The following FEZF1 variants were observed in gnomAD, a reference collection of about 807,000 sequenced individuals.
FEZF1 encodes FEZ family zinc finger 1.
In FEZF1, 8 loss-of-function variants were observed where a neutral mutation model predicts 32.4. The ratio of observed to expected loss-of-function variants is 0.25; its 90% CI spans 0.15 to 0.45. FEZF1 has a LOEUF of 0.45. Ranked by LOEUF, FEZF1 falls within the 20% of genes least tolerant of loss-of-function variation. FEZF1 has a pLI of 1.00. For missense variants in FEZF1, 546 were observed against 622.3 expected, an observed-to-expected ratio of 0.88 and a Z score of 1.31; for synonymous variants, 259 against 265.2, an observed-to-expected ratio of 0.98 and a Z score of 0.23.
chr7:122,302,063 AGGCAGCGTCATC>A lies in FEZF1; in HGVS notation c.1350_1361del (p.Met451_Pro454del). On this transcript the variant is annotated inframe_deletion, in exon 4 of 4. Transcript: ENST00000442488. The surrounding 1 kb of genome is among the most constrained non-coding windows in gnomAD (Gnocchi z 4.4). ...GGGTTGGCAGCGGCGGCTGCAGAGG[AGGCAGCGTCATC>A]GGCGGCTGCTGCGGTAGCGGGGGCG... 1 of 1,606,744 alleles carries A rather than the reference AGGCAGCGTCATC, an allele frequency of 6.2e-7. No individual in the cohort carries two copies. Among genetic ancestry groups the A allele is most frequent in the Middle Eastern group, 1.7e-4 (1 of 5,948 alleles).
At chr7:122,304,830 T>C (rs1446876621), upstream of FEZF1, 1 of 162,992 alleles carries the variant, frequency 6.1e-6, no homozygotes, top group African/African-American at 2.4e-5. Context: ...CTACTTTTCA[T>C]TGGTGAGTGA....
chr7:122,301,857 A>C lies in FEZF1; in HGVS notation c.*140T>G. 1 of 1,181,298 alleles carries C rather than the reference A, an allele frequency of 8.5e-7. No homozygotes were observed. Among genetic ancestry groups the C allele is most frequent in the Non-Finnish European group, 1.2e-6 (1 of 856,532 alleles). The allele number at this position is 1,181,298 out of a possible 1,614,324, so 73.2% of individuals were successfully genotyped here. A position where few individuals can be genotyped will look rare whatever the true frequency, so the allele number is the denominator to read the frequency against. The stretch of plus-strand genomic sequence containing the variant: ...CATGCAAGAGGCGAAAGGCCAGGGG[A>C]TGCAGAGGCTTCTGGTCGGCCCTGA... On this transcript the variant is annotated 3_prime_UTR_variant, in exon 4 of 4. Coordinates refer to ENST00000442488, the MANE Select transcript of FEZF1 (RefSeq NM_001024613.4).
chr7:122,302,388 G>A lies in FEZF1; in HGVS notation c.1070-33C>T. 8 of 1,515,418 alleles carry A rather than the reference G, an allele frequency of 5.3e-6. No homozygotes were observed. In the Admixed American group the frequency reaches 7.7e-5, roughly 14 times the overall value. 93.9% of individuals were successfully genotyped at this position (1,515,418 alleles called of 1,614,324 possible). A position where few individuals can be genotyped will look rare whatever the true frequency, so the allele number is the denominator to read the frequency against. On this transcript the variant is annotated intron_variant, in intron 3 of 3. Coordinates refer to ENST00000442488, the MANE Select transcript of FEZF1 (RefSeq NM_001024613.4). This position sits in a 1 kb window ranked among gnomAD's most constrained non-coding sequence, Gnocchi z 4.4. ...ACACAAATGACAGGAATATGGTTCT[G>A]AAAAAAAAAATAGCTTAAAAAGGGA...
chr7:122,303,709 G>C lies in FEZF1; in HGVS notation c.729C>G (p.Phe243Leu). The change falls in exon 1 of 4, where the codon TTC becomes TTG. Residue 243 changes from phenylalanine to leucine, a missense_variant. By Grantham distance (22) the Phe-to-Leu change is conservative (BLOSUM62 0). Transcript: ENST00000442488. ...AGCCTCGGCTGAAATCCGAGGTTTT[G>C]AACGCGATTTTTTCCGACAGAAGCT... ...SAQLLSEKIAFKTSDFSRGSP... is the reference protein window; with the variant it reads ...SAQLLSEKIALKTSDFSRGSP... The C allele has an allele frequency of 1.9e-6, 3 of 1,614,222 alleles. No homozygotes were observed. The Admixed American group carries it at 5.0e-5, about 27-fold the overall frequency.
At position 122,301,690 on chromosome 7, in the gene FEZF1, A is replaced by G; in HGVS notation, c.*307T>C. On this transcript the variant is annotated 3_prime_UTR_variant, in exon 4 of 4. Transcript: ENST00000442488. ...TTAAACAAAACAAAACAAAATAAAC[A>G]CCATCTCTCCACCCAAGATGAAAAG... is the stretch of plus-strand genomic sequence containing the variant. 3.0e-6 allele frequency: 1 copy of G among 336,192 alleles called. No individual in the cohort carries two copies. The highest frequency in any genetic ancestry group is 4.9e-5 in the East Asian group (1 of 20,600). 20.8% of individuals were successfully genotyped at this position (336,192 alleles called of 1,614,324 possible).
In FEZF1 at chr7:122,301,358, AT is replaced by A. The variant is rs1485686406; in HGVS notation, c.*638del. On this transcript the variant is annotated 3_prime_UTR_variant, in exon 4 of 4. Transcript: ENST00000442488. ...TTTATTTCCAACAGTCAATGAATCAATTTTCACGTGCAATAATCAAAACCAA... is the reference window on the plus strand; with the variant it reads ...TTTATTTCCAACAGTCAATGAATCAATTTCACGTGCAATAATCAAAACCAA... The A allele has an allele frequency of 1.3e-5, 2 of 152,230 alleles. No homozygotes were observed. The highest frequency in any genetic ancestry group is 2.9e-5 in the Non-Finnish European group (2 of 68,052). 9.4% of individuals were successfully genotyped at this position (152,230 alleles called of 1,614,324 possible).
At chr7:122,307,489 G>C (rs1563044994), upstream of FEZF1, 1 of 152,602 alleles carries the variant, frequency 6.6e-6, no homozygotes, top group Non-Finnish European at 1.5e-5. Flanking sequence ...TACGCTTGTG[G>C]TGTGTCCCTC....
upstream of FEZF1, chr7:122,305,690 G>A (rs750708020): frequency 6.6e-6 from 1 of 152,232 alleles, no homozygotes; most frequent in Admixed American, 6.5e-5. Flanking sequence ...AATGCCGAGC[G>A]GAGAAGGGAA....
chr7:122,302,085 T>C lies in FEZF1; in HGVS notation c.1340A>G (p.Gln447Arg). 1 of 1,609,436 alleles carries C rather than the reference T, an allele frequency of 6.2e-7. No individual in the cohort carries two copies. Among genetic ancestry groups the C allele is most frequent in the South Asian group, 1.1e-5 (1 of 90,982 alleles). ...AGGAGGCAGCGTCATCGGCGGCTGC[T>C]GCGGTAGCGGGGGCGGCGGTTCAGT... ...PGTEPPPPLP[Q>R]QPPMTLPPLQ... The change falls in exon 4 of 4, where the codon CAG becomes CGG. Residue 447 changes from glutamine (Q) to arginine (R), a missense_variant. Physicochemically the swap from Gln to Arg is conservative, Grantham distance 43. Around this residue, in one of 3 missense-constraint regions of FEZF1, gnomAD observed 83 missense variants for 73.0 expected, o/e 1.14. Coordinates refer to ENST00000442488, the MANE Select transcript of FEZF1 (RefSeq NM_001024613.4). This position sits in a 1 kb window ranked among gnomAD's most constrained non-coding sequence, Gnocchi z 4.4.
In FEZF1 at chr7:122,301,826, C is replaced by CAGGTG. The variant is rs2031042599; in HGVS notation, c.*166_*170dup. On this transcript the variant is annotated 3_prime_UTR_variant, in exon 4 of 4. Transcript: ENST00000442488. Reference sequence around the variant, plus strand: ...GAATATAATACACAAAACCATTTAGCAGGTGCATGCAAGAGGCGAAAGGCC... The same window carrying CAGGTG: ...GAATATAATACACAAAACCATTTAGCAGGTGAGGTGCATGCAAGAGGCGAAAGGCC... The CAGGTG allele has an allele frequency of 1.3e-6, 1 of 776,880 alleles. No homozygotes were observed. Among genetic ancestry groups the CAGGTG allele is most frequent in the African/African-American group, 1.8e-5 (1 of 56,136 alleles). The allele number at this position is 776,880 out of a possible 1,614,324, so 48.1% of individuals were successfully genotyped here.
chr7:122,303,788 G>A lies in FEZF1; in HGVS notation c.650C>T (p.Ala217Val), dbSNP rs1176827885. The change falls in exon 1 of 4, where the codon GCT (alanine) becomes GTT (valine). Residue 217 changes from alanine to valine, a missense_variant. This residue lies in a region of FEZF1 where 345 missense variants were observed against 360.6 expected (regional missense o/e 0.96). Coordinates refer to ENST00000442488, the MANE Select transcript of FEZF1 (RefSeq NM_001024613.4). ...PAVEKYPSGV[A>V]FKDLSQAQLQ... Reference sequence around the variant, plus strand: ...CTGAGCCTGGGACAGGTCTTTGAAAGCTACTCCAGAAGGGTATTTCTCCAC... The same window carrying A: ...CTGAGCCTGGGACAGGTCTTTGAAAACTACTCCAGAAGGGTATTTCTCCAC... The A allele has an allele frequency of 1.4e-5, 22 of 1,614,072 alleles. No homozygotes were observed. Among genetic ancestry groups the A allele is most frequent in the Non-Finnish European group, 1.7e-5 (20 of 1,180,044 alleles).
At chr7:122,308,457 A>G (rs1047495542), upstream of FEZF1, 3 of 152,336 alleles carry the variant, frequency 2.0e-5, no homozygotes, top group African/African-American at 7.2e-5. Context: ...TGTTCTTGCT[A>G]TTACTAAAAA....
upstream of FEZF1, chr7:122,306,109 C>G (rs1317882463): frequency 2.6e-5 from 4 of 151,998 alleles, no homozygotes; most frequent in African/African-American, 9.7e-5. Flanking sequence ...CGCAGCTAGG[C>G]GCGCAGGAAG....
upstream of FEZF1, chr7:122,305,665 G>A (rs1166005067): frequency 6.6e-6 from 1 of 152,236 alleles, no homozygotes; most frequent in Non-Finnish European, 1.5e-5. Context: ...CTCTCCCGGA[G>A]CATTTTAAAT....
upstream of FEZF1, chr7:122,307,205 G>T (rs755065990): frequency 1.3e-5 from 2 of 152,262 alleles, no homozygotes; most frequent in Admixed American, 1.3e-4. Context: ...GGGGGTGGGG[G>T]GTTCTCTGTC....
upstream of FEZF1, among the ~76,000 whole-genome samples, chr7:122,309,308 C>A (rs1389926652): frequency 6.6e-6 from 1 of 152,180 alleles, no homozygotes; most frequent in Non-Finnish European, 1.5e-5. Context: ...ACTCACAGAG[C>A]CCTCCTCTCT....
Position 122,304,456 on chromosome 7 carries a change from C to G in FEZF1, c.-19G>C, listed in dbSNP as rs769576219. ...TGTCCATGTCTGAGTCGCCAGCGTC[C>G]GTCAGCCGGGGCTGGGTTGCGCCGT... On this transcript the variant is annotated 5_prime_UTR_variant, in exon 1 of 4. Coordinates refer to ENST00000442488, the MANE Select transcript of FEZF1 (RefSeq NM_001024613.4). 1.1e-5 allele frequency: 17 copies of G among 1,534,006 alleles called. No individual in the cohort carries two copies. In the East Asian group the frequency reaches 3.9e-4, roughly 35 times the overall value.
Position 122,302,354 on chromosome 7 carries a change from C to T in FEZF1, c.1071G>A (p.Gly357=), listed in dbSNP as rs1026375411. The part of the protein sequence containing the change: ...EFCGKGFHQK[G]NYKNHKLTHS... ...GGGTCAACTTGTGGTTTTTGTAATT[C>T]CCTGAAACACACAAATGACAGGAAT... The change falls in exon 4 of 4, where the codon GGG becomes GGA. Residue 357 remains glycine, a splice_region_variant and synonymous_variant. Transcript: ENST00000442488. This position sits in a 1 kb window ranked among gnomAD's most constrained non-coding sequence, Gnocchi z 4.4. 19 of 1,613,710 alleles carry T rather than the reference C, an allele frequency of 1.2e-5. No homozygotes were observed. The highest frequency in any genetic ancestry group is 1.7e-5 in the Admixed American group (1 of 59,990).
chr7:122,303,602 G>C, intron 1 of FEZF1, 35 bp downstream of exon 1: 1 of 1,455,220 alleles, frequency 6.9e-7, no homozygotes, highest in Non-Finnish European at 9.5e-7. Flanking sequence ...AGGAAGGGAG[G>C]GAAGGAAAGG....
Sources: allele counts gnomAD v4.1 joint callset (sites outside exome capture counted in the v4.1 genomes callset), GRCh38; gene constraint gnomAD v4.1.1; regional missense constraint gnomAD v4.1.1; non-coding constraint Gnocchi (gnomAD v3.1); transcripts MANE v1.5; gene names NCBI Gene and HGNC (gene_info 2026-07-23, HGNC 2026-07-21).